Variants in C14orf132 observed in about 807,000 individuals in gnomAD.
C14orf132 encodes chromosome 14 open reading frame 132, also known as uncharacterized protein C14orf132.
Under a neutral mutation model 5.8 loss-of-function variants are expected in C14orf132, and 6 were observed. The ratio of observed to expected loss-of-function variants is 1.03; its 90% confidence interval spans 0.57 to 2.04. C14orf132 has a LOEUF of 2.04. Ranked by LOEUF, C14orf132 falls within the 30% of genes most tolerant of loss-of-function variation. The pLI, the probability that C14orf132 is intolerant of heterozygous loss-of-function variation, is 0.00. For synonymous variants in C14orf132, 51 were observed against 49.8 expected (o/e 1.02, Z -0.10); for missense variants, 125 against 115.8 (o/e 1.08, Z -0.37).
At chr14:96,062,188 C>T (rs1887379157) in intron 1 of C14orf132, among the ~76,000 whole-genome samples, 1 of 152,076 alleles carries the variant, frequency 6.6e-6, no homozygotes, top group South Asian at 2.1e-4. Context: ...TGGATCGAGT[C>T]CCTGCCATGT....
At chr14:96,056,948 G>A (rs1294132731) in intron 1 of C14orf132, among the ~76,000 whole-genome samples, 3 of 152,118 alleles carry the variant, frequency 2.0e-5, no homozygotes, top group African/African-American at 4.8e-5. Context: ...CAAGCTCCAG[G>A]GTTGTCAATG....
chr14:96,082,158 C>T (rs1190933498), intron 1 of C14orf132, among the ~76,000 whole-genome samples: 1 of 152,208 alleles, frequency 6.6e-6, no homozygotes, highest in African/African-American at 2.4e-5. Context: ...ATCCAAGAAT[C>T]CCATTCTCTG....
intron 1 of C14orf132, among the ~76,000 whole-genome samples, chr14:96,046,350 C>T (rs1566822487): frequency 6.6e-6 from 1 of 152,154 alleles, no homozygotes; most frequent in Non-Finnish European, 1.5e-5. Flanking sequence ...CATCCCGGGG[C>T]TGCCAGTGTA....
intron 1 of C14orf132, among the ~76,000 whole-genome samples, chr14:96,056,673 C>T (rs1033975907): frequency 2.6e-5 from 4 of 151,978 alleles, no homozygotes; most frequent in Non-Finnish European, 5.9e-5. Flanking sequence ...CCTATGATGA[C>T]GTTGCACTAT....
Position 96,058,840 on chromosome 14 carries a change from C to T in C14orf132, c.27+19313C>T, listed in dbSNP as rs559313716. Among the ~76,000 whole-genome samples the T allele has an allele frequency of 1.9e-4, 29 of 152,362 alleles. No individual in the cohort carries two copies. In the East Asian group the frequency reaches 4.6e-3, roughly 24 times the overall value. ...CTGGGAACAGCTCGGGGGCTATCTC[C>T]TGTGCAGGGTAGCCACAGGTTGCCC... On this transcript the variant is annotated intron_variant, in intron 1 of 1. Transcript: ENST00000555004.
intron 1 of C14orf132, among the ~76,000 whole-genome samples, chr14:96,057,639 G>A (rs933877231): frequency 6.6e-6 from 1 of 152,172 alleles, no homozygotes; most frequent in Non-Finnish European, 1.5e-5. Flanking sequence ...AAACAATGCA[G>A]GAGTGATGTC....
intron 1 of C14orf132, among the ~76,000 whole-genome samples, chr14:96,085,821 A>C (rs919738781): frequency 2.0e-5 from 3 of 152,220 alleles, no homozygotes; most frequent in African/African-American, 7.2e-5. Context: ...TAAATCTCCA[A>C]CACTAGGGGA....
chr14:96,046,712 A>G (rs1886839994), intron 1 of C14orf132, among the ~76,000 whole-genome samples: 1 of 152,180 alleles, frequency 6.6e-6, no homozygotes, highest in South Asian at 2.1e-4. Flanking sequence ...GGGAGATACT[A>G]CATGTGTATC....
intron 1 of C14orf132, among the ~76,000 whole-genome samples, chr14:96,076,167 C>G (rs1037065755): frequency 2.0e-5 from 3 of 151,954 alleles, no homozygotes; most frequent in Non-Finnish European, 2.9e-5. Flanking sequence ...GGTATTGATT[C>G]ATTTCACCTA....
At chr14:96,079,098 A>G (rs1306517156) in intron 1 of C14orf132, among the ~76,000 whole-genome samples, 2 of 152,320 alleles carry the variant, frequency 1.3e-5, no homozygotes, top group South Asian at 4.1e-4. Context: ...ACACCTTGAG[A>G]CAGCAGGTCC....
At chr14:96,070,645 C>T (rs1430362242) in intron 1 of C14orf132, among the ~76,000 whole-genome samples, 6 of 150,916 alleles carry the variant, frequency 4.0e-5, no homozygotes, top group South Asian at 2.1e-4. Context: ...GCACTGACCC[C>T]TTCTACTCCT....
chr14:96,061,911 AAAATAAATAAATAGATAAAT>A (rs1887368973), intron 1 of C14orf132, among the ~76,000 whole-genome samples: 2 of 152,282 alleles, frequency 1.3e-5, no homozygotes, highest in East Asian at 3.9e-4. Context: ...CCTCTCTCTA[AAAATAAATAAATAGATAAAT>A]AAATAAATAA....
At position 96,090,860 on chromosome 14, in the gene C14orf132, G is replaced by A. The variant is rs1888378344; in HGVS notation, c.*4125G>A. 1 of 456,130 alleles carries A rather than the reference G, an allele frequency of 2.2e-6. No homozygotes were observed. Among genetic ancestry groups the A allele is most frequent in the East Asian group, 6.9e-5 (1 of 14,400 alleles). The allele number at this position is 456,130 out of a possible 1,614,324, so 28.3% of individuals were successfully genotyped here. A position where few individuals can be genotyped will look rare whatever the true frequency, so the allele number is the denominator to read the frequency against. ...GCTCAGTGGAGTCTGTCTGTTGTCAGCACTGCTGCCTGATCCCTGCAAGAC... is the reference window on the plus strand; with the variant it reads ...GCTCAGTGGAGTCTGTCTGTTGTCAACACTGCTGCCTGATCCCTGCAAGAC... On this transcript the variant is annotated 3_prime_UTR_variant, in exon 2 of 2. Transcript: ENST00000555004.
chr14:96,062,143 G>C (rs1887377553), intron 1 of C14orf132, among the ~76,000 whole-genome samples: 1 of 152,116 alleles, frequency 6.6e-6, no homozygotes, highest in Admixed American at 6.5e-5. Context: ...AGCTTTTCTT[G>C]TCTGCTCATG....
chr14:96,086,634 C>G lies in C14orf132; in HGVS notation c.151C>G (p.Pro51Ala). 1 of 1,536,182 alleles carries G rather than the reference C, an allele frequency of 6.5e-7. No homozygotes were observed. The highest frequency in any genetic ancestry group is 8.7e-7 in the Non-Finnish European group (1 of 1,146,932). The change falls in exon 2 of 2, where the codon CCT becomes GCT. Residue 51 changes from proline to alanine, a missense_variant. Coordinates refer to ENST00000555004, the MANE Select transcript of C14orf132 (RefSeq NM_001252507.3). ...CAATGGCCAGGGCCAGCCGGAAGAT[C>G]CTCCTCGGTCCTCCAACGACGCCGT... Reference protein sequence around the residue: ...AANGQGQPEDPPRSSNDAVLL... With the variant: ...AANGQGQPEDAPRSSNDAVLL...
At chr14:96,083,261 T>C (rs1329249731) in intron 1 of C14orf132, among the ~76,000 whole-genome samples, 2 of 152,204 alleles carry the variant, frequency 1.3e-5, no homozygotes, top group South Asian at 2.1e-4. Context: ...GAGTAGACCA[T>C]ATCCTTGCCT....
chr14:96,049,603 T>C (rs1595169307), intron 1 of C14orf132, among the ~76,000 whole-genome samples: 1 of 117,368 alleles, frequency 8.5e-6, no homozygotes, highest in Admixed American at 9.0e-5. Flanking sequence ...TATATACGTA[T>C]ATATATACAT....
In C14orf132 at chr14:96,089,520, AC is replaced by A. The variant is rs1888313662; in HGVS notation, c.*2786del. The stretch of plus-strand genomic sequence containing the variant: ...TGTGACTGGGTGGCACCTCCAGGGC[AC>A]ATTTACACAAGGCCCTGAATCTGCA... On this transcript the variant is annotated 3_prime_UTR_variant, in exon 2 of 2. Coordinates refer to ENST00000555004, the MANE Select transcript of C14orf132 (RefSeq NM_001252507.3). 6.6e-6 allele frequency: 1 copy of A among 152,274 alleles called. No homozygotes were observed. The allele number at this position is 152,274 out of a possible 1,614,324, so 9.4% of individuals were successfully genotyped here.
chr14:96,073,014 T>A (rs554162620), intron 1 of C14orf132, among the ~76,000 whole-genome samples: 27 of 152,316 alleles, frequency 1.8e-4, no homozygotes, highest in African/African-American at 5.8e-4. Flanking sequence ...GATTTCTGGG[T>A]CATATGATAA....
Sources: gnomAD v4.1 joint callset for allele counts (sites outside exome capture counted in the v4.1 genomes callset) on GRCh38, gnomAD v4.1.1 for gene constraint, MANE v1.5 for transcripts, NCBI Gene and HGNC (gene_info 2026-07-23, HGNC 2026-07-21) for gene names.